The following MEGF6 variants were observed in gnomAD, a reference collection of about 807,000 sequenced individuals.
MEGF6 encodes the protein multiple epidermal growth factor-like domains protein 6.
Under a neutral mutation model 207.1 loss-of-function variants are expected in MEGF6, and 184 were observed. That is an observed-to-expected ratio of 0.89 (90% CI 0.79 to 1.00). MEGF6 has a LOEUF of 1.00. Among genes scored for constraint, MEGF6 ranks in the 50% least tolerant of loss-of-function variants. MEGF6 has a pLI of 0.00. For missense variants in MEGF6, 2,282 were observed against 2,202.9 expected (o/e 1.04, Z -0.72); for synonymous variants, 1,038 against 910.0 (o/e 1.14, Z -2.53).
intron 30 of MEGF6, among the ~76,000 whole-genome samples, chr1:3,495,048 C>T (rs913584521): frequency 2.0e-5 from 3 of 152,290 alleles, no homozygotes; most frequent in South Asian, 2.1e-4. Flanking sequence ...ACGGAGGCAG[C>T]GGCCCACTGT....
intron 4 of MEGF6, among the ~76,000 whole-genome samples, chr1:3,575,674 G>A (rs1054348855): frequency 1.8e-4 from 28 of 151,998 alleles, no homozygotes; most frequent in Admixed American, 2.6e-4. Context: ...GAGCTTGTGC[G>A]GGGAAACTCC....
rs758750651 is a variant in MEGF6 at position 3,492,695 on chromosome 1, G to A, written c.4460C>T (p.Pro1487Leu). Residue 1487 changes from proline to leucine, a missense_variant, in exon 35 of 37, where the codon CCT becomes CTT. Coordinates refer to ENST00000356575, the MANE Select transcript of MEGF6 (RefSeq NM_001409.4). ...CACACAGTGACACTGCCCACTGACAGGGTCGCAGTCAGCCCCACCCCCGCA... is the reference window on the plus strand; with the variant it reads ...CACACAGTGACACTGCCCACTGACAAGGTCGCAGTCAGCCCCACCCCCGCA... The part of the protein sequence containing the change: ...CDCGGGADCD[P>L]VSGQCHCVDG... 6.2e-7 allele frequency: 1 copy of A among 1,612,672 alleles called. No individual in the cohort carries two copies. The highest frequency in any genetic ancestry group is 1.7e-5 in the Admixed American group (1 of 60,002).
intron 26 of MEGF6, 42 bp from the exon 27 acceptor site, chr1:3,497,403 C>A (rs765858740): frequency 4.5e-5 from 67 of 1,484,622 alleles, no homozygotes; most frequent in Admixed American, 8.2e-5. Flanking sequence ...AGGAGGGGCC[C>A]GTGGGGATCT....
At chr1:3,502,516 C>T (rs984586244) in intron 17 of MEGF6, among the ~76,000 whole-genome samples, 2 of 152,094 alleles carry the variant, frequency 1.3e-5, no homozygotes, top group Admixed American at 6.5e-5. Context: ...AGTCACTGCC[C>T]TTTCCCTGTG....
chr1:3,622,132 G>A, the MEGF6 span, among the ~76,000 whole-genome samples: 2 of 152,190 alleles, frequency 1.3e-5, no homozygotes, highest in African/African-American at 4.8e-5. Flanking sequence ...AAGGACATGA[G>A]ATTTAGGAGG....
intron 1 of MEGF6, among the ~76,000 whole-genome samples, chr1:3,604,022 G>A (rs1459103886): frequency 1.3e-5 from 2 of 152,224 alleles, no homozygotes; most frequent in Non-Finnish European, 2.9e-5. Flanking sequence ...AAATGGCAGG[G>A]CCTCACCAGC....
At chr1:3,590,587 C>G (rs1044631958) in intron 3 of MEGF6, among the ~76,000 whole-genome samples, 1 of 152,166 alleles carries the variant, frequency 6.6e-6, no homozygotes, top group African/African-American at 2.4e-5. Context: ...GCCTACTCCT[C>G]GCTCCTACAC....
intron 34 of MEGF6, 150 bp downstream of exon 34, chr1:3,493,621 G>GC (rs371844657): frequency 6.6e-4 from 745 of 1,123,412 alleles, no homozygotes; most frequent in Admixed American, 2.2e-3. Context: ...GCTGACTCCA[G>GC]CCCCCCCAGG....
intron 26 of MEGF6, chr1:3,497,612 T>C (rs974305039): frequency 1.5e-6 from 1 of 672,518 alleles, no homozygotes; most frequent in Non-Finnish European, 2.7e-6. Flanking sequence ...GAATGTGCCC[T>C]TGGCACAGGC....
intron 35 of MEGF6, among the ~76,000 whole-genome samples, 173 bp from the exon 36 acceptor site, chr1:3,491,132 G>C (rs867637717): frequency 0.047 from 7,144 of 151,940 alleles, 593 homozygotes; most frequent in African/African-American, 0.16. Context: ...GGGAGCTGGG[G>C]GGGGGGGCTC....
At chr1:3,568,357 C>CA (rs879387611) in intron 4 of MEGF6, among the ~76,000 whole-genome samples, 7,572 of 148,730 alleles carry the variant, frequency 0.051, 350 homozygotes, top group Non-Finnish European at 0.073. Flanking sequence ...ATGGGGGCTT[C>CA]GGTAGTGGTC....
intron 1 of MEGF6, among the ~76,000 whole-genome samples, chr1:3,609,792 G>A (rs1364097281): frequency 2.0e-5 from 3 of 152,318 alleles, no homozygotes; most frequent in South Asian, 4.1e-4. Context: ...GTCTGAGTCC[G>A]GCAGCGGGCC....
chr1:3,524,078 A>T, intron 5 of MEGF6, 46 bp downstream of exon 5: 1 of 1,591,982 alleles, frequency 6.3e-7, no homozygotes, highest in African/African-American at 1.3e-5. Flanking sequence ...GAGGGTAGGG[A>T]TGGCTGAAGC....
chr1:3,496,906 C>T (rs1353210577), intron 28 of MEGF6, 82 bp downstream of exon 28: 8 of 1,526,284 alleles, frequency 5.2e-6, no homozygotes, highest in Non-Finnish European at 6.2e-6. Flanking sequence ...CAGATGAGGG[C>T]CTTCCCGGGG....
intron 4 of MEGF6, among the ~76,000 whole-genome samples, chr1:3,527,324 AC>A (rs750630144): frequency 2.6e-5 from 4 of 152,194 alleles, no homozygotes; most frequent in Non-Finnish European, 4.4e-5. Flanking sequence ...ACCTATGGAA[AC>A]CCTGCTGCCC....
At chr1:3,616,244 C>T (rs1644377647), upstream of MEGF6, among the ~76,000 whole-genome samples, 3 of 152,186 alleles carry the variant, frequency 2.0e-5, 1 homozygote, top group South Asian at 4.1e-4. Flanking sequence ...TCCCTGAAAG[C>T]TCCCCGAACG....
At chr1:3,606,616 G>T (rs1644252518) in intron 1 of MEGF6, among the ~76,000 whole-genome samples, 1 of 152,236 alleles carries the variant, frequency 6.6e-6, no homozygotes, top group Admixed American at 6.5e-5. Context: ...TGTTACTGCA[G>T]ATACTGGGAC....
At position 3,531,322 on chromosome 1, in the gene MEGF6, C is replaced by T. The variant is rs1010162012; in HGVS notation, c.482-7076G>A. ...CTAAGCCGGCGGCCGGGCGACGGGGCAGGCGGCTCGGGCTGGTTCTGGGTT... is the reference window on the plus strand; with the variant it reads ...CTAAGCCGGCGGCCGGGCGACGGGGTAGGCGGCTCGGGCTGGTTCTGGGTT... On this transcript the variant is annotated intron_variant, in intron 4 of 36. Transcript: ENST00000356575. 1.3e-5 allele frequency: 16 copies of T among 1,233,856 alleles called. No individual in the cohort carries two copies. In the African/African-American group the frequency reaches 2.4e-4, roughly 18 times the overall value. 76.4% of individuals were successfully genotyped at this position (1,233,856 alleles called of 1,614,324 possible).
intron 4 of MEGF6, among the ~76,000 whole-genome samples, chr1:3,569,305 A>G (rs1034921578): frequency 1.2e-4 from 18 of 152,210 alleles, no homozygotes; most frequent in African/African-American, 4.3e-4. Context: ...GGGCTCCCAA[A>G]GGCCCTCAGC....
Sources: allele counts gnomAD v4.1 joint callset (sites outside exome capture counted in the v4.1 genomes callset), GRCh38; gene constraint gnomAD v4.1.1; transcripts MANE v1.5; gene names NCBI Gene and HGNC (gene_info 2026-07-23, HGNC 2026-07-21).